Variants in TMTC1 observed in about 807,000 individuals in gnomAD.
TMTC1 encodes the protein transmembrane O-mannosyltransferase targeting cadherins 1, also known as protein O-mannosyl-transferase TMTC1.
In TMTC1, 73 loss-of-function variants were observed where a neutral mutation model predicts 104.8. The ratio of observed to expected loss-of-function variants is 0.70; its 90% confidence interval spans 0.58 to 0.85. The LOEUF (loss-of-function observed/expected upper bound fraction) is 0.85, where lower values mean the gene tolerates loss of function less well. TMTC1 is among the 40% of genes least tolerant of loss of function. The pLI, the probability that TMTC1 is intolerant of heterozygous loss-of-function variation, is 0.00. For synonymous variants in TMTC1, 434 were observed against 428.7 expected, an observed-to-expected ratio of 1.01 and a Z score of -0.15; for missense variants, 1,035 against 1,096.1, an observed-to-expected ratio of 0.94 and a Z score of 0.79.
intron 5 of TMTC1, among the ~76,000 whole-genome samples, chr12:29,706,527 G>A (rs1462988965): frequency 6.6e-6 from 1 of 152,084 alleles, no homozygotes; most frequent in Non-Finnish European, 1.5e-5. Context: ...GATTCAGTCG[G>A]GAAGTAATTA....
chr12:29,617,082 T>C (rs1947002256), intron 6 of TMTC1, among the ~76,000 whole-genome samples: 1 of 151,990 alleles, frequency 6.6e-6, no homozygotes, highest in Non-Finnish European at 1.5e-5. Flanking sequence ...TACCTACATA[T>C]TCCCTACATA....
intron 6 of TMTC1, among the ~76,000 whole-genome samples, chr12:29,609,233 T>C (rs1005610955): frequency 6.6e-6 from 1 of 152,194 alleles, no homozygotes; most frequent in Non-Finnish European, 1.5e-5. Flanking sequence ...TAAGGATTTA[T>C]TTGGCAGCCC....
At position 29,602,425 on chromosome 12, in the gene TMTC1, C is replaced by G. The variant is rs367800490; in HGVS notation, c.1250+1753G>C. Among the ~76,000 whole-genome samples, 16 of 152,328 alleles carry G rather than the reference C, an allele frequency of 1.1e-4. No homozygotes were observed. In the South Asian group the frequency reaches 1.9e-3, roughly 18 times the overall value. ...TCCCAAAGTGCTGGGGCATGAGCCA[C>G]TGCACCTGGCCCTATAACGGTTTCA... On this transcript the variant is annotated intron_variant, in intron 7 of 17. Coordinates refer to ENST00000539277, the MANE Select transcript of TMTC1 (RefSeq NM_001193451.2).
At chr12:29,659,190 A>G (rs1258237505) in intron 5 of TMTC1, among the ~76,000 whole-genome samples, 1 of 152,232 alleles carries the variant, frequency 6.6e-6, no homozygotes, top group Non-Finnish European at 1.5e-5. Context: ...AACATTCACC[A>G]TATGTATCAA....
At chr12:29,771,495 A>G (rs987664826) in intron 1 of TMTC1, among the ~76,000 whole-genome samples, 1 of 152,184 alleles carries the variant, frequency 6.6e-6, no homozygotes, top group East Asian at 1.9e-4. Flanking sequence ...CACATACTAC[A>G]TGTCAGATAT....
At chr12:29,507,954 G>C (rs527491688) in intron 17 of TMTC1, among the ~76,000 whole-genome samples, 1 of 152,278 alleles carries the variant, frequency 6.6e-6, no homozygotes, top group African/African-American at 2.4e-5. Flanking sequence ...ATTAAAAATT[G>C]TATCTCTTAG....
chr12:29,614,913 G>A (rs1245293266), intron 6 of TMTC1, among the ~76,000 whole-genome samples: 2 of 152,198 alleles, frequency 1.3e-5, no homozygotes, highest in African/African-American at 4.8e-5. Context: ...TTGTCATTGT[G>A]AGGACCAAAA....
At chr12:29,555,235 C>T (rs1945209448) in intron 10 of TMTC1, among the ~76,000 whole-genome samples, 1 of 146,950 alleles carries the variant, frequency 6.8e-6, no homozygotes, top group South Asian at 2.2e-4. Flanking sequence ...CATCTCAGGC[C>T]CAAGTGATTC....
intron 7 of TMTC1, among the ~76,000 whole-genome samples, chr12:29,590,782 C>T (rs886667053): frequency 3.9e-5 from 6 of 152,144 alleles, no homozygotes; most frequent in Non-Finnish European, 8.8e-5. Flanking sequence ...GAAACTCCGT[C>T]TCAAACAAAA....
chr12:29,516,230 G>A, intron 15 of TMTC1, 119 bp downstream of exon 15: 1 of 1,266,224 alleles, frequency 7.9e-7, no homozygotes, highest in South Asian at 1.6e-5. Flanking sequence ...GATAGGATAT[G>A]CTGACGGATA....
chr12:29,507,612 G>T (rs1323137398), intron 17 of TMTC1, among the ~76,000 whole-genome samples: 1 of 152,280 alleles, frequency 6.6e-6, no homozygotes, highest in East Asian at 1.9e-4. Flanking sequence ...TATGGTATGT[G>T]ACTCCTGACC....
At chr12:29,758,823 T>A in intron 2 of TMTC1, 46 bp from the exon 3 acceptor site, 1 of 1,489,794 alleles carries the variant, frequency 6.7e-7, no homozygotes, top group Non-Finnish European at 9.1e-7. Context: ...ACAATTACTT[T>A]CAGAAAACTA....
intron 5 of TMTC1, among the ~76,000 whole-genome samples, chr12:29,733,524 C>T (rs993955766): frequency 3.3e-5 from 5 of 152,188 alleles, no homozygotes; most frequent in Middle Eastern, 3.2e-3. Context: ...GAGCTGACAG[C>T]CATTTTAGTG....
At chr12:29,632,247 A>G (rs1362334816) in intron 6 of TMTC1, among the ~76,000 whole-genome samples, 1 of 151,892 alleles carries the variant, frequency 6.6e-6, no homozygotes, top group Admixed American at 6.6e-5. Context: ...CCTTCAGGTA[A>G]AAGCATCTTA....
At chr12:29,710,840 A>T (rs1261932772) in intron 5 of TMTC1, among the ~76,000 whole-genome samples, 2 of 136,850 alleles carry the variant, frequency 1.5e-5, no homozygotes, top group Non-Finnish European at 3.1e-5. Flanking sequence ...ATATAAATAT[A>T]TTAATAATAT....
chr12:29,602,802 G>A (rs1373451080), intron 7 of TMTC1, among the ~76,000 whole-genome samples: 2 of 152,082 alleles, frequency 1.3e-5, no homozygotes, highest in Non-Finnish European at 2.9e-5. Flanking sequence ...CTCTTTGAGG[G>A]CAGACACTGA....
intron 9 of TMTC1, among the ~76,000 whole-genome samples, chr12:29,565,999 G>A (rs1318772487): frequency 6.6e-6 from 1 of 152,192 alleles, no homozygotes; most frequent in Non-Finnish European, 1.5e-5. Flanking sequence ...TTACTGGGTA[G>A]AGGAGGGACA....
chr12:29,687,923 C>G (rs1266672962), intron 5 of TMTC1, among the ~76,000 whole-genome samples: 1 of 152,120 alleles, frequency 6.6e-6, no homozygotes, highest in East Asian at 1.9e-4. Context: ...TTCACTTAAC[C>G]CTAATACTTC....
At chr12:29,566,905 G>A (rs963891168) in intron 9 of TMTC1, among the ~76,000 whole-genome samples, 7 of 152,196 alleles carry the variant, frequency 4.6e-5, no homozygotes, top group African/African-American at 1.7e-4. Flanking sequence ...CTTCAAGGCT[G>A]AAGTGCATAT....
Sources: gnomAD v4.1 joint callset for allele counts (sites outside exome capture counted in the v4.1 genomes callset) on GRCh38, gnomAD v4.1.1 for gene constraint, MANE v1.5 for transcripts, NCBI Gene and HGNC (gene_info 2026-07-23, HGNC 2026-07-21) for gene names.